Variants in RGS7BP observed in about 807,000 individuals in gnomAD.
The protein encoded by RGS7BP is regulator of G protein signaling 7-binding protein.
A neutral mutation model predicts 31.3 loss-of-function variants in RGS7BP; 9 were observed. That is an observed-to-expected ratio of 0.29 (90% CI 0.17 to 0.50). The LOEUF is 0.50. Ranked by LOEUF, RGS7BP falls within the 20% of genes least tolerant of loss-of-function variation. The pLI, the probability that RGS7BP is intolerant of heterozygous loss-of-function variation, is 0.98. For synonymous variants in RGS7BP, 115 were observed against 120.1 expected, an observed-to-expected ratio of 0.96 and a Z score of 0.28; for missense variants, 274 against 322.0, an observed-to-expected ratio of 0.85 and a Z score of 1.14.
At chr5:64,507,998 G>A (rs1002895430) in intron 2 of RGS7BP, 121 bp downstream of exon 2, 11 of 837,560 alleles carry the variant, frequency 1.3e-5, no homozygotes, top group South Asian at 1.9e-5. Flanking sequence ...CCTTAAGATC[G>A]AAATTCTCTA....
chr5:64,508,008 A>G, intron 2 of RGS7BP, 131 bp downstream of exon 2: 2 of 745,262 alleles, frequency 2.7e-6, no homozygotes, highest in South Asian at 2.0e-5. Context: ...GAAATTCTCT[A>G]GAGAGCTATA....
At chr5:64,603,885 A>C (rs1743285160) in intron 5 of RGS7BP, among the ~76,000 whole-genome samples, 1 of 152,142 alleles carries the variant, frequency 6.6e-6, no homozygotes. Flanking sequence ...TTATAGAAGC[A>C]ATGGGAACGT....
chr5:64,553,846 C>G (rs1741856147), intron 2 of RGS7BP, among the ~76,000 whole-genome samples: 1 of 152,030 alleles, frequency 6.6e-6, no homozygotes, highest in Non-Finnish European at 1.5e-5. Context: ...TATAACTAAG[C>G]TCACAGGAAA....
At chr5:64,546,154 AAAAAC>A (rs531651308) in intron 2 of RGS7BP, among the ~76,000 whole-genome samples, 5 of 152,140 alleles carry the variant, frequency 3.3e-5, no homozygotes, top group South Asian at 2.1e-4. Context: ...ACTCTGTCTC[AAAAAC>A]AAAACAAAAC....
At chr5:64,565,333 C>G (rs1742144104) in intron 2 of RGS7BP, among the ~76,000 whole-genome samples, 1 of 152,034 alleles carries the variant, frequency 6.6e-6, no homozygotes, top group South Asian at 2.1e-4. Context: ...CTCTTTCTCT[C>G]TCTATATACA....
intron 5 of RGS7BP, among the ~76,000 whole-genome samples, chr5:64,601,998 C>T (rs1269475433): frequency 6.6e-6 from 1 of 152,188 alleles, no homozygotes; most frequent in Non-Finnish European, 1.5e-5. Context: ...GCACGAGAAT[C>T]AGTCGAGAAG....
chr5:64,592,778 G>C (rs765293719), intron 3 of RGS7BP, among the ~76,000 whole-genome samples: 5 of 152,070 alleles, frequency 3.3e-5, no homozygotes, highest in Non-Finnish European at 7.4e-5. Flanking sequence ...AAGGCATTTC[G>C]AACCCACAGG....
chr5:64,537,658 C>CA (rs1364139600), intron 2 of RGS7BP, among the ~76,000 whole-genome samples: 1 of 152,144 alleles, frequency 6.6e-6, no homozygotes, highest in East Asian at 1.9e-4. Context: ...TGGATCAAGA[C>CA]AGAGCCCCAG....
intron 3 of RGS7BP, among the ~76,000 whole-genome samples, chr5:64,582,142 CAGTT>C (rs1742616943): frequency 6.6e-6 from 1 of 152,196 alleles, no homozygotes; most frequent in Non-Finnish European, 1.5e-5. Flanking sequence ...CACTTCTTCA[CAGTT>C]AGTTAGGTAG....
intron 2 of RGS7BP, among the ~76,000 whole-genome samples, chr5:64,568,869 G>A (rs1742235350): frequency 6.7e-6 from 1 of 149,792 alleles, no homozygotes; most frequent in African/African-American, 2.5e-5. Context: ...GCTTAGTAAT[G>A]CTACCCATTA....
intron 3 of RGS7BP, among the ~76,000 whole-genome samples, chr5:64,586,991 A>G (rs1580457042): frequency 1.3e-5 from 2 of 152,308 alleles, no homozygotes; most frequent in South Asian, 2.1e-4. Flanking sequence ...TAGAACAATA[A>G]AAGTTCATTA....
intron 3 of RGS7BP, among the ~76,000 whole-genome samples, chr5:64,594,402 A>T (rs890562786): frequency 6.6e-6 from 1 of 152,122 alleles, no homozygotes; most frequent in Non-Finnish European, 1.5e-5. Flanking sequence ...ACTTAATCTA[A>T]TTCACTAAGA....
intron 1 of RGS7BP, among the ~76,000 whole-genome samples, 174 bp from the exon 2 acceptor site, chr5:64,507,537 A>C (rs1434245130): frequency 6.6e-6 from 1 of 152,216 alleles, no homozygotes. Flanking sequence ...TGCCTTGGAC[A>C]AAGAGACTTG....
chr5:64,594,238 A>T (rs1742999104), intron 3 of RGS7BP, among the ~76,000 whole-genome samples: 1 of 152,164 alleles, frequency 6.6e-6, no homozygotes, highest in Admixed American at 6.6e-5. Context: ...TCCCTGCTGC[A>T]TGCTGAGAGG....
At chr5:64,530,104 G>A (rs1749332542) in intron 2 of RGS7BP, among the ~76,000 whole-genome samples, 3 of 152,212 alleles carry the variant, frequency 2.0e-5, no homozygotes, top group South Asian at 2.1e-4. Flanking sequence ...ACTGCTCTGT[G>A]TGCATGCACC....
intron 2 of RGS7BP, among the ~76,000 whole-genome samples, chr5:64,518,616 G>T (rs1749033987): frequency 6.6e-6 from 1 of 152,144 alleles, no homozygotes; most frequent in Non-Finnish European, 1.5e-5. Flanking sequence ...AGCAACAACA[G>T]CAAGGTAAAG....
At chr5:64,541,951 A>AC (rs1741536351) in intron 2 of RGS7BP, among the ~76,000 whole-genome samples, 2 of 94,542 alleles carry the variant, frequency 2.1e-5, no homozygotes, top group Non-Finnish European at 4.3e-5. Context: ...TTTCTATTCT[A>AC]GTTTTTTTTA....
intron 2 of RGS7BP, among the ~76,000 whole-genome samples, chr5:64,509,653 T>A (rs1374755224): frequency 1.3e-5 from 2 of 152,150 alleles, no homozygotes; most frequent in East Asian, 3.9e-4. Context: ...CCAGAGTAGC[T>A]GGGACTACAA....
At position 64,609,498 on chromosome 5, in the gene RGS7BP, T is replaced by G. The variant is rs535138764; in HGVS notation, c.*246T>G. 15 of 493,274 alleles carry G rather than the reference T, an allele frequency of 3.0e-5. No homozygotes were observed. The highest frequency in any genetic ancestry group is 2.9e-4 in the African/African-American group (15 of 51,938). 30.6% of individuals were successfully genotyped at this position (493,274 alleles called of 1,614,324 possible). On this transcript the variant is annotated 3_prime_UTR_variant, in exon 6 of 6. Transcript: ENST00000334025. ...AAAGGGAATTTTAAAGCTGACATTG[T>G]GCATGTCTGCTCCAAACCACGCCAT...
Sources: gnomAD v4.1 joint callset for allele counts (sites outside exome capture counted in the v4.1 genomes callset) on GRCh38, gnomAD v4.1.1 for gene constraint, MANE v1.5 for transcripts, NCBI Gene and HGNC (gene_info 2026-07-23, HGNC 2026-07-21) for gene names.